Variants in C1orf87 observed in about 807,000 individuals in gnomAD.
C1orf87 encodes the protein uncharacterized protein C1orf87.
A neutral mutation model predicts 60.5 loss-of-function variants in C1orf87; 58 were observed. The ratio of observed to expected loss-of-function variants is 0.96; its 90% CI spans 0.78 to 1.19. C1orf87 has a LOEUF of 1.19. Ranked by LOEUF, C1orf87 falls within the 50% of genes most tolerant of loss-of-function variation. C1orf87 has a pLI of 0.00. For synonymous variants in C1orf87, 236 were observed against 227.4 expected, an observed-to-expected ratio of 1.04 and a Z score of -0.34; for missense variants, 673 against 638.6, an observed-to-expected ratio of 1.05 and a Z score of -0.58.
At chr1:60,031,429 G>T (rs1050662370) in intron 7 of C1orf87, among the ~76,000 whole-genome samples, 2 of 152,206 alleles carry the variant, frequency 1.3e-5, no homozygotes, top group Non-Finnish European at 2.9e-5. Context: ...AGCTTTCAGG[G>T]ACGGCTGTGG....
intron 2 of C1orf87, among the ~76,000 whole-genome samples, chr1:60,066,775 C>T (rs1190885640): frequency 6.6e-6 from 1 of 151,998 alleles, no homozygotes; most frequent in African/African-American, 2.4e-5. Context: ...TTGCTGCACC[C>T]ATCAACCTGT....
At chr1:60,046,816 T>G (rs1327035566) in intron 3 of C1orf87, among the ~76,000 whole-genome samples, 1 of 152,250 alleles carries the variant, frequency 6.6e-6, no homozygotes, top group Non-Finnish European at 1.5e-5. Flanking sequence ...TTGAAGAAGC[T>G]GTGTTGTCTG....
Position 60,040,917 on chromosome 1 carries a change from C to T in C1orf87, c.483+74G>A, listed in dbSNP as rs1379442856. ...CCTCAGACCAACTTATCTTCTGCTC[C>T]ACATCAAGAAATTGAGTCAACAACA... On this transcript the variant is annotated intron_variant, in intron 4 of 11. Transcript: ENST00000371201. The T allele has an allele frequency of 6.8e-6, 10 of 1,463,778 alleles. No homozygotes were observed. The African/African-American group carries it at 1.1e-4, about 16-fold the overall frequency. The allele number at this position is 1,463,778 out of a possible 1,614,324, so 90.7% of individuals were successfully genotyped here. A position where few individuals can be genotyped will look rare whatever the true frequency, so the allele number is the denominator to read the frequency against.
Position 59,997,067 on chromosome 1 carries a change from G to A in C1orf87, c.1480+542C>T, listed in dbSNP as rs575083530. Among the ~76,000 whole-genome samples, 4 of 152,264 alleles carry A rather than the reference G, an allele frequency of 2.6e-5. No homozygotes were observed. The East Asian group carries it at 7.7e-4, about 29-fold the overall frequency. On this transcript the variant is annotated intron_variant, in intron 11 of 11. Coordinates refer to ENST00000371201, the MANE Select transcript of C1orf87 (RefSeq NM_152377.3). ...AAGATGTTTAGGTATTGATTAGCCA[G>A]GGGACAAGATGGGGAGTTCGTGGGG...
intron 2 of C1orf87, among the ~76,000 whole-genome samples, chr1:60,057,116 G>T (rs565693334): frequency 6.6e-6 from 1 of 152,144 alleles, no homozygotes; most frequent in East Asian, 1.9e-4. Flanking sequence ...AAAAATTCCC[G>T]GTAAAGTAGA....
chr1:60,062,213 TG>T (rs1645502152), intron 2 of C1orf87, among the ~76,000 whole-genome samples: 1 of 152,182 alleles, frequency 6.6e-6, no homozygotes, highest in Admixed American at 6.6e-5. Context: ...CACCATAACT[TG>T]CAGTTCTCTT....
Position 60,061,977 on chromosome 1 carries a change from G to A in C1orf87, c.108-6539C>T, listed in dbSNP as rs187142018. On this transcript the variant is annotated intron_variant, in intron 2 of 11. Transcript: ENST00000371201. ...AAGAAAAGCAGTGCCTATGTCTTAT[G>A]ATTCTAGGTGGTTTGGGCCAATGGG... is the stretch of plus-strand genomic sequence containing the variant. Among the ~76,000 whole-genome samples the A allele has an allele frequency of 2.0e-3, 307 of 152,090 alleles. 2 individuals carry two copies. Among genetic ancestry groups the A allele is most frequent in the African/African-American group, 7.2e-3 (298 of 41,498 alleles).
At chr1:60,040,890 G>C in intron 4 of C1orf87, 101 bp downstream of exon 4, 1 of 1,329,508 alleles carries the variant, frequency 7.5e-7, no homozygotes, top group African/African-American at 1.5e-5. Context: ...ACTATGACCA[G>C]CCCTCAGACC....
intron 2 of C1orf87, among the ~76,000 whole-genome samples, chr1:60,058,877 C>G (rs941643598): frequency 1.3e-5 from 2 of 152,132 alleles, no homozygotes; most frequent in Non-Finnish European, 1.5e-5. Flanking sequence ...CAAAAATGGT[C>G]TTTTGGCAGG....
intron 5 of C1orf87, among the ~76,000 whole-genome samples, chr1:60,038,782 C>A (rs1437018096): frequency 2.0e-5 from 3 of 151,842 alleles, no homozygotes; most frequent in African/African-American, 2.4e-5. Context: ...ATCTGAAGAC[C>A]TTTTTTCTGC....
At chr1:60,016,799 A>G (rs1645127610) in intron 8 of C1orf87, among the ~76,000 whole-genome samples, 1 of 152,168 alleles carries the variant, frequency 6.6e-6, no homozygotes, top group African/African-American at 2.4e-5. Context: ...TTTGGTATTC[A>G]TATCTTACAT....
At chr1:60,042,019 G>A (rs1645328751) in intron 3 of C1orf87, among the ~76,000 whole-genome samples, 1 of 152,160 alleles carries the variant, frequency 6.6e-6, no homozygotes, top group African/African-American at 2.4e-5. Flanking sequence ...CCCAGAGAAA[G>A]GCTGTGGCTT....
chr1:60,064,801 ATTATATTTAATATATAT>A (rs1645528915), intron 2 of C1orf87, among the ~76,000 whole-genome samples: 1 of 92,044 alleles, frequency 1.1e-5, no homozygotes, highest in Non-Finnish European at 1.9e-5. Flanking sequence ...TAAATATATA[ATTATATTTAATATATAT>A]AAATATATAT....
intron 7 of C1orf87, among the ~76,000 whole-genome samples, chr1:60,029,971 T>A (rs1244547653): frequency 6.6e-6 from 1 of 152,132 alleles, no homozygotes; most frequent in Non-Finnish European, 1.5e-5. Flanking sequence ...CAAACTTGCC[T>A]GTCCTCTAAG....
chr1:60,038,296 A>C (rs1645293002), intron 5 of C1orf87, among the ~76,000 whole-genome samples, 189 bp from the exon 6 acceptor site: 1 of 152,150 alleles, frequency 6.6e-6, no homozygotes. Context: ...GACAAATGGT[A>C]AAATTGTACT....
At chr1:60,015,226 C>T (rs753367443) in intron 8 of C1orf87, among the ~76,000 whole-genome samples, 6 of 152,078 alleles carry the variant, frequency 3.9e-5, no homozygotes, top group Non-Finnish European at 7.4e-5. Context: ...GATTAGTGTT[C>T]TTATAAAGGA....
intron 3 of C1orf87, among the ~76,000 whole-genome samples, chr1:60,041,816 A>G (rs1645326975): frequency 1.3e-5 from 2 of 152,162 alleles, no homozygotes; most frequent in South Asian, 4.1e-4. Flanking sequence ...ACCAGTCCTG[A>G]GTTCAAACCC....
chr1:60,012,403 A>T (rs948754733), intron 8 of C1orf87, among the ~76,000 whole-genome samples: 3 of 152,064 alleles, frequency 2.0e-5, no homozygotes, highest in Non-Finnish European at 2.9e-5. Flanking sequence ...ATTGAGGGAA[A>T]TTTTTTTAAC....
chr1:60,029,727 G>A (rs559735009), intron 7 of C1orf87, among the ~76,000 whole-genome samples: 12 of 136,414 alleles, frequency 8.8e-5, no homozygotes, highest in Admixed American at 2.5e-4. Flanking sequence ...TGCAACCTCC[G>A]CCTCCTGGGT....
Sources: allele counts gnomAD v4.1 joint callset (sites outside exome capture counted in the v4.1 genomes callset), GRCh38; gene constraint gnomAD v4.1.1; transcripts MANE v1.5; gene names NCBI Gene and HGNC (gene_info 2026-07-23, HGNC 2026-07-21).